Variants in RS1 observed in about 807,000 individuals in gnomAD.
RS1 encodes the protein retinoschisin 1, also known as retinoschisin.
In RS1, 2 loss-of-function variants were observed where a neutral mutation model predicts 20.8. The ratio of observed to expected loss-of-function variants is 0.10; its 90% confidence interval spans 0.04 to 0.30. RS1 has a LOEUF of 0.30. RS1 is among the 10% of genes least tolerant of loss of function. The pLI is 1.00. For synonymous variants in RS1, 70 were observed against 75.8 expected (o/e 0.92, Z 0.40); for missense variants, 151 against 189.8 (o/e 0.80, Z 1.20).
intron 1 of RS1, among the ~76,000 whole-genome samples, chrX:18,669,477 G>A (rs1441325029): frequency 2.0e-5 from 1 of 50,612 alleles, no homozygotes; most frequent in African/African-American, 6.2e-5. Flanking sequence ...GGCAACAAGA[G>A]TGAAATTCTC....
intron 3 of RS1, among the ~76,000 whole-genome samples, chrX:18,651,262 T>A (rs369472790): frequency 0.29 from 22,206 of 75,412 alleles, 3,664 homozygotes; most frequent in Non-Finnish European, 0.38. Context: ...TGTGTGTGTG[T>A]GTGAGAGAGA....
chrX:18,666,469 G>C (rs1928405988), intron 1 of RS1, among the ~76,000 whole-genome samples: 1 of 111,749 alleles, frequency 8.9e-6, no homozygotes, highest in Non-Finnish European at 1.9e-5. Flanking sequence ...AGGAGAGAGA[G>C]TCTTAGGAGA....
intron 3 of RS1, chrX:18,653,572 T>A: frequency 8.3e-7 from 1 of 1,202,073 alleles, no homozygotes; most frequent in Non-Finnish European, 1.1e-6. Context: ...CTGGTCCCAA[T>A]GCCCTGAATC....
At chrX:18,663,190 C>T (rs1402813334) in intron 1 of RS1, among the ~76,000 whole-genome samples, 1 of 109,329 alleles carries the variant, frequency 9.1e-6, no homozygotes, top group African/African-American at 3.4e-5. Context: ...CGGCATGCGC[C>T]ACCATGCCTG....
At chrX:18,663,032 C>CTTTTTTTT (rs55857398) in intron 1 of RS1, among the ~76,000 whole-genome samples, 1 of 74,787 alleles carries the variant, frequency 1.3e-5, no homozygotes, top group African/African-American at 6.4e-5. Context: ...AGAACAATGA[C>CTTTTTTTT]TTTTTTTTTT....
chrX:18,663,446 C>T (rs1197998699), intron 1 of RS1, among the ~76,000 whole-genome samples: 1 of 105,938 alleles, frequency 9.4e-6, no homozygotes, highest in African/African-American at 3.5e-5. Context: ...GGGCTCAAGC[C>T]ATCCTCTCAC....
At chrX:18,649,618 T>C (rs757676789) in intron 3 of RS1, among the ~76,000 whole-genome samples, 1 of 111,226 alleles carries the variant, frequency 9.0e-6, no homozygotes, top group African/African-American at 3.3e-5. Context: ...GGCACAGAAT[T>C]TGTAGTTTAT....
In RS1 at chrX:18,660,260, GT is replaced by G. The variant is rs369339561; in HGVS notation, c.53-2596del. Among the ~76,000 whole-genome samples, 671 of 101,663 alleles carry G rather than the reference GT, an allele frequency of 6.6e-3. 10 individuals carry two copies. The highest frequency in any genetic ancestry group is 0.022 in the African/African-American group (607 of 28,051). The allele number at this position is 101,663 out of a possible 115,157, so 88.3% of individuals were successfully genotyped here. ...CACCAAAACTCCATTTCCCAGACTT[GT>G]TTTTTTTTTTTTCTTTTGAGACTGG... On this transcript the variant is annotated intron_variant, in intron 1 of 5. Transcript: ENST00000379984.
At chrX:18,649,671 C>A (rs991360766) in intron 3 of RS1, among the ~76,000 whole-genome samples, 2 of 111,805 alleles carry the variant, frequency 1.8e-5, no homozygotes, top group African/African-American at 3.2e-5. Context: ...AGGACTCCAC[C>A]CCAGAGCAAT....
chrX:18,644,269 G>A (rs1239295876), intron 5 of RS1, among the ~76,000 whole-genome samples, 161 bp downstream of exon 5: 5 of 111,866 alleles, frequency 4.5e-5, no homozygotes, highest in Non-Finnish European at 9.4e-5. Flanking sequence ...ACCAAAGCAA[G>A]CCCAGGAAAG....
chrX:18,653,525 C>A lies in RS1; in HGVS notation c.184+3128G>T, dbSNP rs768289707. ...GCGCTCCTGACATACCATGAGAATG[C>A]GGCACTGACGGGCAAGTGACTTCTG... On this transcript the variant is annotated intron_variant, in intron 3 of 5. Coordinates refer to ENST00000379984, the MANE Select transcript of RS1 (RefSeq NM_000330.4). 6 of 1,210,177 alleles carry A rather than the reference C, an allele frequency of 5.0e-6. No homozygotes were observed. Among genetic ancestry groups the A allele is most frequent in the Non-Finnish European group, 6.7e-6 (6 of 895,257 alleles).
intron 1 of RS1, among the ~76,000 whole-genome samples, chrX:18,663,933 C>G (rs1287998572): frequency 2.7e-5 from 3 of 112,031 alleles, no homozygotes; most frequent in African/African-American, 6.5e-5. Context: ...GTGGAGAAAC[C>G]TGAACTGTGT....
intron 1 of RS1, among the ~76,000 whole-genome samples, chrX:18,661,206 C>G: frequency 8.9e-6 from 1 of 111,750 alleles, no homozygotes; most frequent in East Asian, 2.8e-4. Flanking sequence ...TGCCCTCATA[C>G]ATGGGATTAG....
At chrX:18,642,700 C>A (rs1015077989) in intron 5 of RS1, among the ~76,000 whole-genome samples, 2 of 112,559 alleles carry the variant, frequency 1.8e-5, no homozygotes, top group Non-Finnish European at 3.8e-5. Context: ...TACTTTGATA[C>A]AAGTGATGAG....
At chrX:18,664,218 T>C (rs1484286340) in intron 1 of RS1, among the ~76,000 whole-genome samples, 1 of 112,639 alleles carries the variant, frequency 8.9e-6, no homozygotes, top group African/African-American at 3.2e-5. Context: ...AATGGAACAC[T>C]ATACTGCAAT....
chrX:18,646,985 C>A (rs186480889), intron 4 of RS1, among the ~76,000 whole-genome samples: 1 of 109,164 alleles, frequency 9.2e-6, no homozygotes, highest in African/African-American at 3.3e-5. Flanking sequence ...GGTGTGATCT[C>A]GGCTCACTGT....
At chrX:18,668,707 C>T (rs1928442159) in intron 1 of RS1, among the ~76,000 whole-genome samples, 1 of 112,584 alleles carries the variant, frequency 8.9e-6, no homozygotes, top group South Asian at 3.6e-4. Context: ...TGAACCTCAA[C>T]CACATATGCT....
intron 3 of RS1, among the ~76,000 whole-genome samples, chrX:18,651,514 G>A (rs1928048346): frequency 9.0e-6 from 1 of 111,041 alleles, no homozygotes; most frequent in Admixed American, 9.5e-5. Flanking sequence ...GGGCTTGGGA[G>A]CCCTAAGCTC....
chrX:18,642,103 G>A lies in RS1; in HGVS notation c.576C>T (p.Pro192=), dbSNP rs186334493. The part of the protein sequence containing the change: ...RTSTVQNLLR[P]PIISRFIRLI... ...GGCGGATGAAGCGGGAGATGATGGG[G>A]GGCCGCAGCAGGTTCTGAACCGTGG... Residue 192 remains proline, a synonymous_variant, in exon 6 of 6, where the codon CCC becomes CCT. Transcript: ENST00000379984. 445 of 1,209,861 alleles carry A rather than the reference G, an allele frequency of 3.7e-4. 2 individuals carry two copies. The East Asian group carries it at 7.6e-3, about 21-fold the overall frequency.
Sources: gnomAD v4.1 joint callset for allele counts (sites outside exome capture counted in the v4.1 genomes callset) on GRCh38, gnomAD v4.1.1 for gene constraint, MANE v1.5 for transcripts, NCBI Gene and HGNC (gene_info 2026-07-23, HGNC 2026-07-21) for gene names.